The following SYT7 variants were observed in gnomAD, a reference collection of about 807,000 sequenced individuals.
SYT7 encodes synaptotagmin 7, also known as synaptotagmin-7.
SYT7 carries 29 observed loss-of-function variants against 75.1 expected under a neutral mutation model. The observed-to-expected ratio is 0.39, with a 90% CI of 0.29 to 0.53. The LOEUF is 0.53. SYT7 is among the 20% of genes least tolerant of loss of function. The pLI, the probability that SYT7 is intolerant of heterozygous loss-of-function variation, is 0.77. For missense variants in SYT7, 693 were observed against 953.2 expected, an observed-to-expected ratio of 0.73 and a Z score of 3.59; for synonymous variants, 376 against 401.7, an observed-to-expected ratio of 0.94 and a Z score of 0.76.
At position 61,576,539 on chromosome 11, in the gene SYT7, GGGGTCATCAGCTCC is replaced by G. The variant is rs2064084066; in HGVS notation, c.31+4237_31+4250del. The stretch of plus-strand genomic sequence containing the variant: ...ATCAAGCCAACTCATTCTCCAGCTG[GGGGTCATCAGCTCC>G]GGACTGGGCCTCCCGCCCCCACGTG... On this transcript the variant is annotated intron_variant, in intron 1 of 12. Coordinates refer to ENST00000539008, the MANE Select transcript of SYT7 (RefSeq NM_001365809.2). The surrounding 1 kb of genome is among the most constrained non-coding windows in gnomAD (Gnocchi z 4.1). Among the ~76,000 whole-genome samples, 1 of 152,190 alleles carries G rather than the reference GGGGTCATCAGCTCC, an allele frequency of 6.6e-6. No homozygotes were observed. The highest frequency in any genetic ancestry group is 2.1e-4 in the South Asian group (1 of 4,828).
At chr11:61,584,400 A>AG (rs1183360732), upstream of SYT7, among the ~76,000 whole-genome samples, 2 of 151,654 alleles carry the variant, frequency 1.3e-5, no homozygotes, top group East Asian at 3.9e-4. Flanking sequence ...GTCTCAAAAA[A>AG]AAAAAAAGGA....
At chr11:61,579,962 G>A (rs995151197) in intron 1 of SYT7, among the ~76,000 whole-genome samples, 2 of 152,224 alleles carry the variant, frequency 1.3e-5, no homozygotes, top group Non-Finnish European at 2.9e-5. Flanking sequence ...GGCATCAGGA[G>A]CCAAGGAGGA....
At chr11:61,535,412 G>A (rs1035245116) in intron 7 of SYT7, among the ~76,000 whole-genome samples, 6 of 152,216 alleles carry the variant, frequency 3.9e-5, no homozygotes, top group African/African-American at 7.2e-5. Flanking sequence ...GGGGTGGGCC[G>A]CGGTGGAAAC....
Position 61,538,344 on chromosome 11 carries a change from AGG to A in SYT7, c.942-80_942-79del, listed in dbSNP as rs1280141611. The A allele has an allele frequency of 1.2e-4, 110 of 905,680 alleles. No homozygotes were observed. The African/African-American group carries it at 2.0e-3, about 17-fold the overall frequency. 56.1% of individuals were successfully genotyped at this position (905,680 alleles called of 1,614,324 possible). On this transcript the variant is annotated intron_variant, in intron 6 of 12. Coordinates refer to ENST00000539008, the MANE Select transcript of SYT7 (RefSeq NM_001365809.2). ...GCGGGGGCAGGGGGGAAGGAGAGAG[AGG>A]GAGAGAGAGAGAGAGAGAGAGAGAG... is the stretch of plus-strand genomic sequence containing the variant.
In SYT7 at chr11:61,523,508, G is replaced by A. The variant is rs1023885489; in HGVS notation, c.1757-234C>T. ...AGGAAACTGAGCCCCAGAGAGGCCA[G>A]GTCTTGCCCAAAATCTCAGACAAGT... On this transcript the variant is annotated intron_variant, in intron 11 of 12. Coordinates refer to ENST00000539008, the MANE Select transcript of SYT7 (RefSeq NM_001365809.2). This position sits in a 1 kb window ranked among gnomAD's most constrained non-coding sequence, Gnocchi z 5.0. Among the ~76,000 whole-genome samples, 1 of 152,178 alleles carries A rather than the reference G, an allele frequency of 6.6e-6. No individual in the cohort carries two copies. The highest frequency in any genetic ancestry group is 1.5e-5 in the Non-Finnish European group (1 of 68,022).
chr11:61,560,020 C>A (rs1365889144), intron 1 of SYT7, among the ~76,000 whole-genome samples: 9 of 152,202 alleles, frequency 5.9e-5, no homozygotes, highest in Middle Eastern at 3.2e-3. Flanking sequence ...CCCTTCCCCA[C>A]TCAGAGGACA....
chr11:61,587,780 G>A, the SYT7 span, among the ~76,000 whole-genome samples: 2 of 152,254 alleles, frequency 1.3e-5, no homozygotes, highest in African/African-American at 2.4e-5. Context: ...GACCCACCCC[G>A]AGCGCCCCGA....
intron 6 of SYT7, chr11:61,540,512 T>C (rs1404185540): frequency 2.0e-6 from 2 of 985,374 alleles, no homozygotes; most frequent in Non-Finnish European, 2.4e-6. Context: ...TGGCCGACCC[T>C]TGAGGTGAGC....
In SYT7 at chr11:61,556,224, C is replaced by T; in HGVS notation, c.32-17G>A. 6.2e-7 allele frequency: 1 copy of T among 1,605,344 alleles called. No individual in the cohort carries two copies. The highest frequency in any genetic ancestry group is 1.3e-5 in the African/African-American group (1 of 74,936). ...AGGGCGCCCCTGGGGAGGACAGGTA[C>T]AGGTCACACCCTCATTGGCCAGGGC... On this transcript the variant is annotated splice_polypyrimidine_tract_variant and intron_variant, in intron 1 of 12. Transcript: ENST00000539008.
At chr11:61,552,979 C>T (rs201522871) in intron 2 of SYT7, among the ~76,000 whole-genome samples, 1 of 152,182 alleles carries the variant, frequency 6.6e-6, no homozygotes, top group East Asian at 1.9e-4. Flanking sequence ...GTTTCTGGTA[C>T]TTAGTGTGGA....
At chr11:61,547,071 G>A in intron 4 of SYT7, 106 bp downstream of exon 4, 1 of 1,357,098 alleles carries the variant, frequency 7.4e-7, no homozygotes, top group Non-Finnish European at 9.9e-7. Flanking sequence ...AGGAGCGAGA[G>A]GAGAGAGGGA....
chr11:61,543,783 T>G (rs975922611), intron 5 of SYT7, among the ~76,000 whole-genome samples: 6 of 152,242 alleles, frequency 3.9e-5, no homozygotes, highest in Non-Finnish European at 8.8e-5. Context: ...GGCTGGAGAT[T>G]TCACCATATC....
At chr11:61,568,801 C>T (rs2063843646) in intron 1 of SYT7, among the ~76,000 whole-genome samples, 1 of 152,238 alleles carries the variant, frequency 6.6e-6, no homozygotes, top group South Asian at 2.1e-4. Flanking sequence ...TTACAGCCTG[C>T]CAAGTGCTTT....
Position 61,518,375 on chromosome 11 carries a change from G to C in SYT7, c.*252C>G. 2.6e-6 allele frequency: 1 copy of C among 384,634 alleles called. No individual in the cohort carries two copies. Among genetic ancestry groups the C allele is most frequent in the East Asian group, 3.8e-5 (1 of 26,492 alleles). The allele number at this position is 384,634 out of a possible 1,614,324, so 23.8% of individuals were successfully genotyped here. A position where few individuals can be genotyped will look rare whatever the true frequency, so the allele number is the denominator to read the frequency against. On this transcript the variant is annotated 3_prime_UTR_variant, in exon 13 of 13. Transcript: ENST00000539008. ...AGCTCCCCCAACTTCTTTAGTATTA[G>C]TAAGTCAGGAAGAAAAGGGGCAAAG...
rs1367476707 is a variant in SYT7 at position 61,518,307 on chromosome 11, C to T, written c.*320G>A. The T allele has an allele frequency of 2.3e-5, 6 of 255,704 alleles. No individual in the cohort carries two copies. Among genetic ancestry groups the T allele is most frequent in the Admixed American group, 5.5e-5 (1 of 18,302 alleles). 15.8% of individuals were successfully genotyped at this position (255,704 alleles called of 1,614,324 possible). Reference sequence around the variant, plus strand: ...AAAATGGGGGACCATGCCCACCTGGCGGGCCTCTGGAGGGGTCTGCCTGTC... The same window carrying T: ...AAAATGGGGGACCATGCCCACCTGGTGGGCCTCTGGAGGGGTCTGCCTGTC... On this transcript the variant is annotated 3_prime_UTR_variant, in exon 13 of 13. Transcript: ENST00000539008.
At chr11:61,552,639 T>C (rs943252940) in intron 2 of SYT7, among the ~76,000 whole-genome samples, 2 of 152,202 alleles carry the variant, frequency 1.3e-5, no homozygotes, top group African/African-American at 2.4e-5. Context: ...TGCTCCCTGA[T>C]GCTCCTGCCA....
At chr11:61,530,414 T>A (rs867774144) in intron 8 of SYT7, among the ~76,000 whole-genome samples, 1 of 152,216 alleles carries the variant, frequency 6.6e-6, no homozygotes. Context: ...TTCCCGACGC[T>A]CTTTTCCCTG....
In SYT7 at chr11:61,533,068, TG is replaced by T; in HGVS notation, c.1120del (p.His374ThrfsTer64). Reference sequence around the variant, plus strand: ...CTCGGTCCGGCGGTCGGACTCATCGTGGGGTGTCTGGCCTGGCACGGGGGCT... The same window carrying T: ...CTCGGTCCGGCGGTCGGACTCATCGTGGGTGTCTGGCCTGGCACGGGGGCT... ...NTAPVPGQTP[H>X]DESDRRTEPR... On this transcript the variant is annotated frameshift_variant, in exon 8 of 13. Transcript: ENST00000539008. LOFTEE classifies it high-confidence loss of function. 1 of 1,612,912 alleles carries T rather than the reference TG, an allele frequency of 6.2e-7. No homozygotes were observed.
At chr11:61,568,994 C>T (rs1191533106) in intron 1 of SYT7, among the ~76,000 whole-genome samples, 2 of 152,334 alleles carry the variant, frequency 1.3e-5, no homozygotes, top group Non-Finnish European at 1.5e-5. Flanking sequence ...GTCCAGTGTA[C>T]TCTTCCCACT....
Sources: gnomAD v4.1 joint callset for allele counts (sites outside exome capture counted in the v4.1 genomes callset) on GRCh38, gnomAD v4.1.1 for gene constraint, Gnocchi (gnomAD v3.1) non-coding constraint, MANE v1.5 for transcripts, NCBI Gene and HGNC (gene_info 2026-07-23, HGNC 2026-07-21) for gene names.